The following DMD variants were observed in gnomAD, a reference collection of about 807,000 sequenced individuals.
The protein encoded by DMD is mutant dystrophin.
A neutral mutation model predicts 330.1 loss-of-function variants in DMD; 63 were observed. The ratio of observed to expected loss-of-function variants is 0.19; its 90% CI spans 0.16 to 0.24. The LOEUF is 0.24. Ranked by LOEUF, DMD falls within the 10% of genes least tolerant of loss-of-function variation. DMD has a pLI of 1.00. For synonymous variants in DMD, 1,223 were observed against 959.8 expected (o/e 1.27, Z -5.07); for missense variants, 3,344 against 2,684.1 (o/e 1.25, Z -5.43).
At chrX:33,298,904 A>C (rs963181989) in intron 1 of DMD, among the ~76,000 whole-genome samples, 1 of 111,652 alleles carries the variant, frequency 9.0e-6, no homozygotes, top group African/African-American at 3.3e-5. Context: ...ACTCAACTTC[A>C]AGTGAGTGCG....
intron 17 of DMD, among the ~76,000 whole-genome samples, chrX:32,527,388 T>C (rs973246596): frequency 6.3e-5 from 7 of 111,624 alleles, no homozygotes; most frequent in Admixed American, 3.8e-4. Flanking sequence ...ACATTTTAAT[T>C]CCATATTACT....
At chrX:31,140,524 T>A (rs987231180) in intron 76 of DMD, among the ~76,000 whole-genome samples, 1 of 111,809 alleles carries the variant, frequency 8.9e-6, no homozygotes, top group Non-Finnish European at 1.9e-5. Flanking sequence ...ATACCCAACA[T>A]TTGGCTACAA....
intron 1 of DMD, among the ~76,000 whole-genome samples, chrX:33,236,900 A>G (rs2052493563): frequency 9.0e-6 from 1 of 111,172 alleles, no homozygotes; most frequent in African/African-American, 3.3e-5. Flanking sequence ...TACCTTATCT[A>G]TTAATTATGT....
chrX:33,116,140 C>A (rs904068875), intron 1 of DMD, among the ~76,000 whole-genome samples: 1 of 109,636 alleles, frequency 9.1e-6, no homozygotes, highest in African/African-American at 3.3e-5. Flanking sequence ...TTGCAGTGAG[C>A]CGAGATGGTG....
chrX:31,543,124 C>A (rs2073932250), intron 55 of DMD, among the ~76,000 whole-genome samples: 1 of 105,719 alleles, frequency 9.5e-6, no homozygotes, highest in African/African-American at 3.6e-5. Flanking sequence ...GATGGAAGAC[C>A]CTTGCTGGCC....
chrX:32,578,499 C>T (rs190687827), intron 13 of DMD, among the ~76,000 whole-genome samples: 174 of 112,012 alleles, frequency 1.6e-3, no homozygotes, highest in African/African-American at 3.3e-3. Flanking sequence ...AGGATTTTTT[C>T]CTCCCATTTA....
chrX:33,261,627 AACACACACACACACACAC>A (rs56984530), intron 1 of DMD, among the ~76,000 whole-genome samples: 1 of 89,116 alleles, frequency 1.1e-5, no homozygotes, highest in Non-Finnish European at 2.2e-5. Flanking sequence ...ATACGGGAAG[AACACACACACACACACAC>A]ACACACACAC....
chrX:32,778,675 C>T (rs1017265561), intron 7 of DMD, among the ~76,000 whole-genome samples: 1 of 111,272 alleles, frequency 9.0e-6, no homozygotes, highest in African/African-American at 3.3e-5. Context: ...TTCCTTAACC[C>T]CTGGTCTTCC....
intron 59 of DMD, among the ~76,000 whole-genome samples, chrX:31,465,129 T>C (rs139300224): frequency 2.8e-3 from 318 of 112,201 alleles, no homozygotes; most frequent in African/African-American, 1.0e-2. Flanking sequence ...GAATACATGG[T>C]AACTAAGTAA....
chrX:32,275,717 AAAG>A (rs764777496), intron 43 of DMD, among the ~76,000 whole-genome samples: 3 of 111,603 alleles, frequency 2.7e-5, no homozygotes, highest in Non-Finnish European at 5.6e-5. Flanking sequence ...CATGATTTTC[AAAG>A]AAGATCTTGA....
intron 44 of DMD, among the ~76,000 whole-genome samples, chrX:32,013,620 G>C (rs1021020494): frequency 4.5e-5 from 5 of 111,964 alleles, no homozygotes; most frequent in African/African-American, 6.5e-5. Context: ...TGATTGCTGA[G>C]TTTTCTGAAA....
chrX:32,296,743 T>C (rs1283107809), intron 42 of DMD, among the ~76,000 whole-genome samples: 2 of 111,942 alleles, frequency 1.8e-5, no homozygotes, highest in Admixed American at 9.4e-5. Flanking sequence ...AGTCTTCAAA[T>C]GAAATAAAAT....
At chrX:33,060,795 C>A (rs1432130435) in intron 1 of DMD, among the ~76,000 whole-genome samples, 1 of 105,798 alleles carries the variant, frequency 9.5e-6, no homozygotes, top group Non-Finnish European at 1.9e-5. Flanking sequence ...CAAGATCATG[C>A]CACTGCATTC....
intron 41 of DMD, among the ~76,000 whole-genome samples, chrX:32,326,671 G>A (rs1234051664): frequency 1.3e-4 from 14 of 111,626 alleles, no homozygotes; most frequent in African/African-American, 4.2e-4. Flanking sequence ...TTGGGAGGCC[G>A]AGGCAGGCAG....
chrX:31,144,847 T>C (rs2036499764), intron 76 of DMD, among the ~76,000 whole-genome samples: 3 of 111,469 alleles, frequency 2.7e-5, no homozygotes, highest in African/African-American at 9.8e-5. Context: ...TAAAACCCTC[T>C]ATTGTCTAGC....
chrX:32,379,267 C>A (rs1245693751), intron 34 of DMD, among the ~76,000 whole-genome samples: 1 of 107,680 alleles, frequency 9.3e-6, no homozygotes, highest in African/African-American at 3.4e-5. Context: ...ATGAAAAATA[C>A]TTTCCAGGCA....
intron 2 of DMD, among the ~76,000 whole-genome samples, chrX:32,966,451 C>T (rs2092159405): frequency 1.8e-5 from 2 of 111,391 alleles, no homozygotes; most frequent in South Asian, 3.7e-4. Flanking sequence ...CAAATGTGTG[C>T]CCTGGGATAC....
At chrX:31,767,108 T>C (rs1231301488) in intron 51 of DMD, among the ~76,000 whole-genome samples, 1 of 111,882 alleles carries the variant, frequency 8.9e-6, no homozygotes, top group Non-Finnish European at 1.9e-5. Flanking sequence ...ACCAGAGACA[T>C]GTACATTTGT....
rs188368562 is a variant in DMD, at chrX:32,139,581, A to G, written c.6438+77335T>C. Among the ~76,000 whole-genome samples the G allele has an allele frequency of 4.6e-3, 515 of 112,485 alleles. 1 individual carries two copies. Among genetic ancestry groups the G allele is most frequent in the African/African-American group, 0.016 (488 of 31,034 alleles). On this transcript the variant is annotated intron_variant, in intron 44 of 78. Coordinates refer to ENST00000357033, the MANE Select transcript of DMD (RefSeq NM_004006.3). Reference sequence around the variant, plus strand: ...GGTTAATGTCATAGAATAACAGATAATGACTCACAGTAAAAGAGCATGTGC... The same window carrying G: ...GGTTAATGTCATAGAATAACAGATAGTGACTCACAGTAAAAGAGCATGTGC...
Sources: allele counts gnomAD v4.1 joint callset (sites outside exome capture counted in the v4.1 genomes callset), GRCh38; gene constraint gnomAD v4.1.1; transcripts MANE v1.5; gene names NCBI Gene and HGNC (gene_info 2026-07-23, HGNC 2026-07-21).